The following ARMH3 variants were observed in gnomAD, a reference collection of about 807,000 sequenced individuals.
ARMH3 encodes armadillo-like helical domain-containing protein 3.
In ARMH3, 60 loss-of-function variants were observed where a neutral mutation model predicts 99.1. That is an observed-to-expected ratio of 0.61 (90% CI 0.49 to 0.75). The LOEUF (loss-of-function observed/expected upper bound fraction) is 0.75, where lower values mean the gene tolerates loss of function less well. Among genes scored for constraint, ARMH3 ranks in the 30% least tolerant of loss-of-function variants. The pLI is 0.00. For synonymous variants in ARMH3, 285 were observed against 292.8 expected, an observed-to-expected ratio of 0.97 and a Z score of 0.27; for missense variants, 679 against 843.1, an observed-to-expected ratio of 0.81 and a Z score of 2.41.
At chr10:101,967,524 G>C (rs901946843) in intron 20 of ARMH3, among the ~76,000 whole-genome samples, 1 of 152,136 alleles carries the variant, frequency 6.6e-6, no homozygotes, top group Non-Finnish European at 1.5e-5. Flanking sequence ...GGATCACAAG[G>C]TCAGGAGTTC....
At chr10:101,992,860 C>T (rs377448484) in intron 17 of ARMH3, among the ~76,000 whole-genome samples, 5 of 152,086 alleles carry the variant, frequency 3.3e-5, no homozygotes, top group African/African-American at 1.2e-4. Context: ...ATTCTATTTG[C>T]CCACTTCTCA....
chr10:102,032,795 T>G, intron 4 of ARMH3: 1 of 459,692 alleles, frequency 2.2e-6, no homozygotes, highest in South Asian at 4.5e-5. Context: ...TGTCTAAGAA[T>G]CTACTTTAGC....
rs1845257368 is a variant in ARMH3 at position 101,960,725 on chromosome 10, C to G, written c.1496-2993G>C. Among the ~76,000 whole-genome samples, 3 of 151,848 alleles carry G rather than the reference C, an allele frequency of 2.0e-5. No homozygotes were observed. The South Asian group carries it at 6.3e-4, about 32-fold the overall frequency. ...CCAAGATGGTGAAACCCCGTCTCTA[C>G]TAAAAAATACAAAAATTAGCCAGGC... On this transcript the variant is annotated intron_variant, in intron 20 of 25. Transcript: ENST00000370033.
At chr10:101,878,160 C>A (rs1187964230) in intron 24 of ARMH3, among the ~76,000 whole-genome samples, 1 of 151,784 alleles carries the variant, frequency 6.6e-6, no homozygotes, top group African/African-American at 2.4e-5. Context: ...CGGGAGGTTA[C>A]GATAGGAGAA....
intron 23 of ARMH3, among the ~76,000 whole-genome samples, chr10:101,936,506 A>G (rs900959630): frequency 6.6e-5 from 10 of 151,766 alleles, no homozygotes; most frequent in South Asian, 2.1e-4. Flanking sequence ...AAAAAAAAAA[A>G]AAGAAAGGAA....
At chr10:101,854,545 C>T (rs1364105160) in intron 24 of ARMH3, among the ~76,000 whole-genome samples, 2 of 152,144 alleles carry the variant, frequency 1.3e-5, no homozygotes, top group African/African-American at 2.4e-5. Context: ...TTTCAAGTAT[C>T]TCATGCCCTC....
intron 20 of ARMH3, among the ~76,000 whole-genome samples, chr10:101,970,364 A>T (rs1180683337): frequency 6.6e-6 from 1 of 152,242 alleles, no homozygotes. Context: ...TGTCAGCTCA[A>T]CAGAAACATT....
At chr10:101,867,902 G>A (rs1364591059) in intron 24 of ARMH3, among the ~76,000 whole-genome samples, 4 of 151,522 alleles carry the variant, frequency 2.6e-5, no homozygotes, top group South Asian at 2.1e-4. Context: ...ACTTTGGGAC[G>A]CTGAGGCAGG....
chr10:101,966,501 C>G (rs2135872381), intron 20 of ARMH3, among the ~76,000 whole-genome samples: 1 of 151,878 alleles, frequency 6.6e-6, no homozygotes, highest in East Asian at 1.9e-4. Context: ...CTCCTGACTT[C>G]AGGTGATCGG....
chr10:101,962,585 ATAT>A (rs1434715193), intron 20 of ARMH3, among the ~76,000 whole-genome samples: 1 of 152,230 alleles, frequency 6.6e-6, no homozygotes, highest in Non-Finnish European at 1.5e-5. Context: ...CACTTAAATT[ATAT>A]TCTTCTCACT....
At chr10:101,914,389 G>A (rs1842990806) in intron 23 of ARMH3, among the ~76,000 whole-genome samples, 1 of 151,160 alleles carries the variant, frequency 6.6e-6, no homozygotes, top group Non-Finnish European at 1.5e-5. Context: ...TCGGGAGGCT[G>A]AGGCAGGAGA....
rs184473583 is a variant in ARMH3, at chr10:101,969,187, A to G, written c.1495+6025T>C. Among the ~76,000 whole-genome samples, 21 of 152,318 alleles carry G rather than the reference A, an allele frequency of 1.4e-4. No homozygotes were observed. In the East Asian group the frequency reaches 4.0e-3, roughly 29 times the overall value. On this transcript the variant is annotated intron_variant, in intron 20 of 25. Coordinates refer to ENST00000370033, the MANE Select transcript of ARMH3 (RefSeq NM_024541.3). ...ACTCTCTTCAAAACTAAAAGAAGCA[A>G]TGTTGTAGAGTTATATAAGATGTCA...
intron 24 of ARMH3, among the ~76,000 whole-genome samples, chr10:101,861,892 A>C (rs1458033381): frequency 6.7e-6 from 1 of 149,244 alleles, no homozygotes; most frequent in Non-Finnish European, 1.5e-5. Flanking sequence ...AAAAAAAAAA[A>C]AAAAAAAATT....
intron 24 of ARMH3, among the ~76,000 whole-genome samples, chr10:101,866,689 T>C (rs970265233): frequency 9.2e-5 from 14 of 152,312 alleles, no homozygotes; most frequent in Admixed American, 5.2e-4. Context: ...GAAGTCATTA[T>C]ATGACAACTT....
chr10:101,892,900 AACTT>A (rs2067727935), intron 23 of ARMH3, among the ~76,000 whole-genome samples: 1 of 152,214 alleles, frequency 6.6e-6, no homozygotes. Flanking sequence ...GAGTTCTGAC[AACTT>A]ATTTTTCCAG....
At chr10:101,944,568 C>T (rs1318282484) in intron 22 of ARMH3, among the ~76,000 whole-genome samples, 1 of 152,062 alleles carries the variant, frequency 6.6e-6, no homozygotes, top group Non-Finnish European at 1.5e-5. Context: ...AATCCCAGTA[C>T]TTTGGGAGGC....
chr10:101,950,799 T>C (rs1844749552), intron 22 of ARMH3, among the ~76,000 whole-genome samples: 1 of 152,106 alleles, frequency 6.6e-6, no homozygotes, highest in African/African-American at 2.4e-5. Context: ...GCTCAGGAGA[T>C]TGCAGTAAAT....
At position 101,946,071 on chromosome 10, in the gene ARMH3, C is replaced by CAAAAAAAAAAAAAAAAAAA. The variant is rs569179050; in HGVS notation, c.1706-6152_1706-6134dup. Among the ~76,000 whole-genome samples, 11 of 34,486 alleles carry CAAAAAAAAAAAAAAAAAAA rather than the reference C, an allele frequency of 3.2e-4. 2 individuals are homozygous for CAAAAAAAAAAAAAAAAAAA. The highest frequency in any genetic ancestry group is 2.2e-3 in the African/African-American group (9 of 4,174). 22.6% of individuals were successfully genotyped at this position (34,486 alleles called of 152,430 possible). A position where few individuals can be genotyped will look rare whatever the true frequency, so the allele number is the denominator to read the frequency against. On this transcript the variant is annotated intron_variant, in intron 22 of 25. Transcript: ENST00000370033. Reference sequence around the variant, plus strand: ...TGGGCGACAGAGTAAGACTCTGCCTCAAAAAAAAAAAAAAAAAAAAAAAAA... The same window carrying CAAAAAAAAAAAAAAAAAAA: ...TGGGCGACAGAGTAAGACTCTGCCTCAAAAAAAAAAAAAAAAAAAAAAAAAAAAAAAAAAAAAAAAAAAA...
Position 101,902,269 on chromosome 10 carries a change from C to T in ARMH3, c.1782-12779G>A, listed in dbSNP as rs570036625. ...AACAGAAACTCTCACAAGGGGAAGGCTGTTAAGAGTAGCTGTGAGACAAAT... is the reference window on the plus strand; with the variant it reads ...AACAGAAACTCTCACAAGGGGAAGGTTGTTAAGAGTAGCTGTGAGACAAAT... On this transcript the variant is annotated intron_variant, in intron 23 of 25. Coordinates refer to ENST00000370033, the MANE Select transcript of ARMH3 (RefSeq NM_024541.3). Among the ~76,000 whole-genome samples the T allele has an allele frequency of 3.5e-4, 53 of 152,266 alleles. No homozygotes were observed. The South Asian group carries it at 0.01, about 30-fold the overall frequency.
Sources: gnomAD v4.1 joint callset for allele counts (sites outside exome capture counted in the v4.1 genomes callset) on GRCh38, gnomAD v4.1.1 for gene constraint, MANE v1.5 for transcripts, NCBI Gene and HGNC (gene_info 2026-07-23, HGNC 2026-07-21) for gene names.